The following ASIC2 variants were observed in gnomAD, a reference collection of about 807,000 sequenced individuals.
ASIC2 encodes the protein acid-sensing ion channel 2.
A neutral mutation model predicts 57.3 loss-of-function variants in ASIC2; 25 were observed. The ratio of observed to expected loss-of-function variants is 0.44; its 90% CI spans 0.32 to 0.61. ASIC2 has a LOEUF of 0.61. ASIC2 is among the 20% of genes least tolerant of loss of function. The pLI is 0.06. For synonymous variants in ASIC2, 319 were observed against 307.5 expected, an observed-to-expected ratio of 1.04 and a Z score of -0.39; for missense variants, 641 against 738.1, an observed-to-expected ratio of 0.87 and a Z score of 1.52.
intron 1 of ASIC2, among the ~76,000 whole-genome samples, chr17:33,563,954 C>G (rs1487875815): frequency 6.6e-6 from 1 of 152,176 alleles, no homozygotes; most frequent in African/African-American, 2.4e-5. Context: ...ATCTCTAACT[C>G]TGGTACTCGA....
intron 1 of ASIC2, among the ~76,000 whole-genome samples, chr17:33,238,441 T>C (rs1281684131): frequency 6.6e-6 from 1 of 152,214 alleles, no homozygotes; most frequent in Non-Finnish European, 1.5e-5. Flanking sequence ...TTCTTGACAT[T>C]AGAGCCAGCA....
chr17:33,867,684 G>A (rs1041941400), intron 1 of ASIC2, among the ~76,000 whole-genome samples: 2 of 152,222 alleles, frequency 1.3e-5, no homozygotes, highest in African/African-American at 2.4e-5. Flanking sequence ...GGTAAATGCA[G>A]CAGTGTTTTG....
intron 1 of ASIC2, among the ~76,000 whole-genome samples, chr17:33,548,605 C>T (rs2141974884): frequency 6.6e-6 from 1 of 152,298 alleles, no homozygotes; most frequent in East Asian, 1.9e-4. Flanking sequence ...CTCTACTCTC[C>T]ATTCACCATG....
intron 1 of ASIC2, among the ~76,000 whole-genome samples, chr17:33,137,246 G>C (rs1475364004): frequency 6.6e-6 from 1 of 152,230 alleles, no homozygotes; most frequent in Non-Finnish European, 1.5e-5. Context: ...TAATAGGTTA[G>C]AAAACGCTGG....
Position 33,122,455 on chromosome 17 carries a change from A to C in ASIC2, c.709-10388T>G, listed in dbSNP as rs571221735. Among the ~76,000 whole-genome samples, 5 of 152,180 alleles carry C rather than the reference A, an allele frequency of 3.3e-5. No homozygotes were observed. In the South Asian group the frequency reaches 8.3e-4, roughly 25 times the overall value. On this transcript the variant is annotated intron_variant, in intron 1 of 9. Transcript: ENST00000225823. ...TTCTGCACCTGAACTCTGATATCTG[A>C]GCTCCTATAGGATGTGATTTCTGGG...
chr17:33,484,743 C>T (rs1913521782), intron 1 of ASIC2, among the ~76,000 whole-genome samples: 1 of 152,224 alleles, frequency 6.6e-6, no homozygotes, highest in African/African-American at 2.4e-5. Flanking sequence ...GTAGAAGCAG[C>T]TTTCCACAAG....
chr17:33,320,654 G>A (rs920231520), intron 1 of ASIC2, among the ~76,000 whole-genome samples: 5 of 152,198 alleles, frequency 3.3e-5, no homozygotes, highest in African/African-American at 1.2e-4. Flanking sequence ...GATTCCATAA[G>A]TGATTTGCTT....
chr17:34,155,348 TG>T (rs2142147477), intron 1 of ASIC2, among the ~76,000 whole-genome samples: 1 of 152,200 alleles, frequency 6.6e-6, no homozygotes, highest in Admixed American at 6.5e-5. Flanking sequence ...GATGGAGCCC[TG>T]GGGTGCCCGG....
chr17:33,123,354 C>G (rs1241305394), intron 1 of ASIC2, among the ~76,000 whole-genome samples: 2 of 152,140 alleles, frequency 1.3e-5, no homozygotes, highest in African/African-American at 4.8e-5. Context: ...ATAGATAAAT[C>G]TAGATAAATA....
chr17:33,714,698 A>G (rs958685726), intron 1 of ASIC2, among the ~76,000 whole-genome samples: 2 of 151,922 alleles, frequency 1.3e-5, no homozygotes, highest in Admixed American at 6.6e-5. Context: ...AACAAGGAGG[A>G]TTTCGACTTT....
At chr17:33,944,786 G>C (rs1916270641) in intron 1 of ASIC2, among the ~76,000 whole-genome samples, 1 of 152,214 alleles carries the variant, frequency 6.6e-6, no homozygotes, top group Non-Finnish European at 1.5e-5. Flanking sequence ...TGCAGGGGTT[G>C]TGGCCTCTGT....
intron 1 of ASIC2, among the ~76,000 whole-genome samples, chr17:33,280,404 C>G (rs1304007797): frequency 3.3e-5 from 5 of 152,152 alleles, no homozygotes; most frequent in Non-Finnish European, 5.9e-5. Flanking sequence ...ATATTTGAAT[C>G]TTAAATCAAG....
chr17:33,259,452 A>G (rs1369914725), intron 1 of ASIC2, among the ~76,000 whole-genome samples: 1 of 152,092 alleles, frequency 6.6e-6, no homozygotes, highest in East Asian at 1.9e-4. Flanking sequence ...CTTGGTTCAG[A>G]AGTCAGGGCC....
At chr17:33,480,804 C>A (rs1436764757) in intron 1 of ASIC2, among the ~76,000 whole-genome samples, 1 of 152,180 alleles carries the variant, frequency 6.6e-6, no homozygotes, top group African/African-American at 2.4e-5. Context: ...GCCACCCACT[C>A]TCAAGGCCAC....
chr17:33,576,535 G>T (rs1325903581), intron 1 of ASIC2, among the ~76,000 whole-genome samples: 1 of 152,132 alleles, frequency 6.6e-6, no homozygotes, highest in Admixed American at 6.5e-5. Context: ...GAGCCAGATT[G>T]CCTCTCTGTG....
At chr17:33,897,184 T>C (rs1915118511) in intron 1 of ASIC2, among the ~76,000 whole-genome samples, 1 of 152,212 alleles carries the variant, frequency 6.6e-6, no homozygotes, top group Admixed American at 6.5e-5. Flanking sequence ...TGGAGAAATA[T>C]GAGCTTCTAT....
At chr17:33,350,081 T>A (rs1006254324) in intron 1 of ASIC2, among the ~76,000 whole-genome samples, 2 of 152,244 alleles carry the variant, frequency 1.3e-5, no homozygotes, top group African/African-American at 2.4e-5. Context: ...CCATGTCTTA[T>A]CGGTTCTTCA....
chr17:33,606,018 T>A (rs1905224255), intron 1 of ASIC2, among the ~76,000 whole-genome samples: 1 of 152,256 alleles, frequency 6.6e-6, no homozygotes, highest in South Asian at 2.1e-4. Context: ...TCTCAGTCTC[T>A]GCTTTAATCC....
In ASIC2 at chr17:33,483,898, G is replaced by T. The variant is rs142609523; in HGVS notation, c.556-371831C>A. ...ATCTTGCCATGGGGAAATTAGCCTA[G>T]GTTATCCAGGTGGGCCCAGTGGTAT... On this transcript the variant is annotated intron_variant, in intron 1 of 9. Transcript: ENST00000359872. 7.2e-4 allele frequency among the ~76,000 whole-genome samples: 109 copies of T among 152,268 alleles called. 2 individuals are homozygous for T. In the East Asian group the frequency reaches 0.019, roughly 27 times the overall value.
Sources: allele counts gnomAD v4.1 joint callset (sites outside exome capture counted in the v4.1 genomes callset), GRCh38; gene constraint gnomAD v4.1.1; transcripts MANE v1.5; gene names NCBI Gene and HGNC (gene_info 2026-07-23, HGNC 2026-07-21).